Variants in PDLIM5 observed in about 807,000 individuals in gnomAD.
PDLIM5 encodes PDZ and LIM domain 5, also known as PDZ and LIM domain protein 5.
PDLIM5 carries 34 observed loss-of-function variants against 64.2 expected under a neutral mutation model. The observed-to-expected ratio is 0.53, with a 90% CI of 0.40 to 0.71. The LOEUF (loss-of-function observed/expected upper bound fraction) is 0.71, where lower values mean the gene tolerates loss of function less well. PDLIM5 is among the 30% of genes least tolerant of loss of function. PDLIM5 has a pLI of 0.00. For synonymous variants in PDLIM5, 253 were observed against 269.1 expected, an observed-to-expected ratio of 0.94 and a Z score of 0.59; for missense variants, 683 against 733.6, an observed-to-expected ratio of 0.93 and a Z score of 0.80.
intron 9 of PDLIM5, among the ~76,000 whole-genome samples, chr4:94,642,614 A>C (rs759869220): frequency 9.8e-5 from 15 of 152,348 alleles, no homozygotes; most frequent in Middle Eastern, 3.4e-3. Context: ...GGAAGTTAAT[A>C]GGAATGGGGA....
intron 3 of PDLIM5, chr4:94,549,828 C>G (rs1351982613): frequency 2.6e-5 from 4 of 152,122 alleles, no homozygotes; most frequent in Non-Finnish European, 4.4e-5. Flanking sequence ...ACTCAGGAGG[C>G]TGAGGCAGGA....
chr4:94,478,295 A>G (rs1032111737), intron 2 of PDLIM5, among the ~76,000 whole-genome samples: 29 of 151,386 alleles, frequency 1.9e-4, no homozygotes, highest in Admixed American at 9.9e-4. Flanking sequence ...TAATATATAT[A>G]TAATGCAAAA....
chr4:94,537,909 ACTT>A (rs1560686984), intron 3 of PDLIM5, among the ~76,000 whole-genome samples: 1 of 152,322 alleles, frequency 6.6e-6, no homozygotes, highest in Admixed American at 6.5e-5. Flanking sequence ...AATTATAAAT[ACTT>A]CTTCTCTAAA....
At chr4:94,602,207 T>G (rs1233853785) in intron 7 of PDLIM5, among the ~76,000 whole-genome samples, 1 of 152,146 alleles carries the variant, frequency 6.6e-6, no homozygotes, top group African/African-American at 2.4e-5. Context: ...ATGTAATAAG[T>G]CACTAGTCTA....
At chr4:94,553,974 A>T (rs928307421) in intron 3 of PDLIM5, among the ~76,000 whole-genome samples, 1 of 152,244 alleles carries the variant, frequency 6.6e-6, no homozygotes, top group African/African-American at 2.4e-5. Flanking sequence ...TTCCAGTGTT[A>T]TCTTCACAGA....
chr4:94,581,189 A>G (rs931948690), intron 5 of PDLIM5, among the ~76,000 whole-genome samples: 3 of 152,182 alleles, frequency 2.0e-5, no homozygotes, highest in Non-Finnish European at 4.4e-5. Context: ...TCATGTTAGC[A>G]CATTTACCAC....
intron 4 of PDLIM5, among the ~76,000 whole-genome samples, chr4:94,574,915 CA>C (rs1370892101): frequency 6.6e-6 from 1 of 150,480 alleles, no homozygotes; most frequent in Non-Finnish European, 1.5e-5. Context: ...ATCTCTGAAT[CA>C]TATCTTAAAA....
chr4:94,650,074 C>G (rs77807541), intron 9 of PDLIM5, among the ~76,000 whole-genome samples: 2 of 151,880 alleles, frequency 1.3e-5, no homozygotes, highest in East Asian at 3.9e-4. Flanking sequence ...TGCATATAAT[C>G]CACTGGAAAT....
chr4:94,573,751 A>AT (rs991534892), intron 4 of PDLIM5: 1 of 225,826 alleles, frequency 4.4e-6, no homozygotes, highest in African/African-American at 2.3e-5. Context: ...CTTTAATAAC[A>AT]TTTTATTAAT....
At chr4:94,569,883 T>G (rs912201198) in intron 3 of PDLIM5, among the ~76,000 whole-genome samples, 14 of 152,226 alleles carry the variant, frequency 9.2e-5, no homozygotes, top group Middle Eastern at 3.4e-3. Context: ...CATTTGAACT[T>G]TAAAATAACA....
chr4:94,506,900 G>C (rs1560663506), intron 2 of PDLIM5, among the ~76,000 whole-genome samples: 1 of 152,190 alleles, frequency 6.6e-6, no homozygotes, highest in African/African-American at 2.4e-5. Flanking sequence ...GGCAGAAGAA[G>C]ATGGGATTAT....
At chr4:94,663,134 A>G (rs537584800) in intron 12 of PDLIM5, among the ~76,000 whole-genome samples, 39 of 152,342 alleles carry the variant, frequency 2.6e-4, no homozygotes, top group South Asian at 2.1e-3. Flanking sequence ...GGAAGTAAAT[A>G]TCCAGTAAAC....
chr4:94,599,759 G>A (rs1737346624), intron 7 of PDLIM5, among the ~76,000 whole-genome samples: 1 of 152,110 alleles, frequency 6.6e-6, no homozygotes, highest in African/African-American at 2.4e-5. Context: ...ACAGTGGGAA[G>A]GCCCTATAGT....
intron 5 of PDLIM5, among the ~76,000 whole-genome samples, chr4:94,576,839 A>G (rs1735307823): frequency 6.6e-6 from 1 of 152,200 alleles, no homozygotes; most frequent in Admixed American, 6.5e-5. Flanking sequence ...TTATAAGATC[A>G]CACATCTGTT....
intron 8 of PDLIM5, among the ~76,000 whole-genome samples, chr4:94,624,845 T>G (rs1739539752): frequency 6.6e-6 from 1 of 152,182 alleles, no homozygotes; most frequent in Non-Finnish European, 1.5e-5. Flanking sequence ...AGTGTGGACT[T>G]GATGCTGAAA....
chr4:94,570,466 A>G (rs962491665), intron 3 of PDLIM5, among the ~76,000 whole-genome samples: 1 of 152,226 alleles, frequency 6.6e-6, no homozygotes, highest in African/African-American at 2.4e-5. Flanking sequence ...ATAAGCCACA[A>G]ACTGTTATAA....
chr4:94,492,370 A>G (rs577048951), intron 2 of PDLIM5, among the ~76,000 whole-genome samples: 1 of 151,954 alleles, frequency 6.6e-6, no homozygotes, highest in East Asian at 1.9e-4. Flanking sequence ...TGCAGTGTGC[A>G]TGCACTGTGG....
intron 9 of PDLIM5, among the ~76,000 whole-genome samples, chr4:94,644,907 ATTCT>A (rs1560762061): frequency 7.9e-6 from 1 of 126,258 alleles, no homozygotes; most frequent in East Asian, 2.7e-4. Context: ...GATTGATATT[ATTCT>A]TTTTTTTTTA....
intron 3 of PDLIM5, among the ~76,000 whole-genome samples, chr4:94,565,778 T>A (rs1734266706): frequency 6.6e-6 from 1 of 152,248 alleles, no homozygotes; most frequent in Non-Finnish European, 1.5e-5. Flanking sequence ...TCTTTGTTTT[T>A]GCATCTACTT....
Sources: gnomAD v4.1 joint callset for allele counts (sites outside exome capture counted in the v4.1 genomes callset) on GRCh38, gnomAD v4.1.1 for gene constraint, MANE v1.5 for transcripts, NCBI Gene and HGNC (gene_info 2026-07-23, HGNC 2026-07-21) for gene names.